ARHGAP42: variants seen among roughly 807,000 people sequenced by gnomAD.
ARHGAP42 encodes rho GTPase-activating protein 42.
ARHGAP42 carries 63 observed loss-of-function variants against 125.0 expected under a neutral mutation model. The ratio of observed to expected loss-of-function variants is 0.50; its 90% CI spans 0.41 to 0.62. The LOEUF (loss-of-function observed/expected upper bound fraction) is 0.62. Ranked by LOEUF, ARHGAP42 falls within the 20% of genes least tolerant of loss-of-function variation. ARHGAP42 has a pLI of 0.00. For synonymous variants in ARHGAP42, 339 were observed against 351.0 expected (o/e 0.97, Z 0.38); for missense variants, 766 against 1,024.2 (o/e 0.75, Z 3.44).
At chr11:100,942,644 G>T (rs553525902) in intron 9 of ARHGAP42, among the ~76,000 whole-genome samples, 15 of 152,278 alleles carry the variant, frequency 9.9e-5, no homozygotes, top group African/African-American at 2.9e-4. Flanking sequence ...TAAAGTAAGT[G>T]CCTCGCCCAA....
chr11:100,793,034 G>T (rs182928267), intron 2 of ARHGAP42, among the ~76,000 whole-genome samples: 1 of 152,086 alleles, frequency 6.6e-6, no homozygotes, highest in African/African-American at 2.4e-5. Flanking sequence ...GATTACAGGC[G>T]TGAGCCACCG....
intron 17 of ARHGAP42, among the ~76,000 whole-genome samples, chr11:100,966,774 A>G (rs1216719176): frequency 6.6e-6 from 1 of 152,188 alleles, no homozygotes; most frequent in Non-Finnish European, 1.5e-5. Context: ...AGAGAGACAA[A>G]CACATATTTA....
intron 4 of ARHGAP42, among the ~76,000 whole-genome samples, chr11:100,897,905 C>T (rs1206845942): frequency 6.6e-6 from 1 of 152,174 alleles, no homozygotes; most frequent in Non-Finnish European, 1.5e-5. Context: ...GAGAGGGCAT[C>T]CTTGTCCTGT....
intron 1 of ARHGAP42, among the ~76,000 whole-genome samples, chr11:100,700,429 C>T (rs542778195): frequency 3.3e-4 from 50 of 152,296 alleles, no homozygotes; most frequent in African/African-American, 1.1e-3. Context: ...AAAGATTTCT[C>T]TATACCATGA....
intron 10 of ARHGAP42, among the ~76,000 whole-genome samples, chr11:100,945,647 A>G (rs1197623423): frequency 6.6e-6 from 1 of 152,108 alleles, no homozygotes; most frequent in Admixed American, 6.6e-5. Context: ...GACTAGTTGC[A>G]TTGTCAATGG....
chr11:100,730,059 T>G (rs1266767856), intron 1 of ARHGAP42, among the ~76,000 whole-genome samples: 5 of 152,136 alleles, frequency 3.3e-5, no homozygotes, highest in Non-Finnish European at 7.3e-5. Context: ...TCCACCTGCC[T>G]CGGCCTCCCA....
chr11:100,802,997 A>G (rs1863898027), intron 3 of ARHGAP42, among the ~76,000 whole-genome samples: 1 of 152,230 alleles, frequency 6.6e-6, no homozygotes, highest in Non-Finnish European at 1.5e-5. Flanking sequence ...ACCTGCGCTC[A>G]TGAAGCTTGC....
chr11:100,687,294 C>T lies in ARHGAP42; in HGVS notation c.-385C>T, dbSNP rs1291998173. Among the ~76,000 whole-genome samples, 1 of 152,118 alleles carries T rather than the reference C, an allele frequency of 6.6e-6. No homozygotes were observed. The highest frequency in any genetic ancestry group is 1.5e-5 in the Non-Finnish European group (1 of 68,008). On this transcript the variant is annotated 5_prime_UTR_variant, in exon 1 of 24. Coordinates refer to ENST00000298815, the MANE Select transcript of ARHGAP42 (RefSeq NM_152432.4). ...TGTGCGCTGCTTCTGGCTCACAACG[C>T]CGACGACTGTCAAGAGAGTTGGGGA...
At chr11:100,726,453 T>G (rs914781088) in intron 1 of ARHGAP42, among the ~76,000 whole-genome samples, 1 of 152,234 alleles carries the variant, frequency 6.6e-6, no homozygotes, top group African/African-American at 2.4e-5. Flanking sequence ...AGAACCCAAA[T>G]TCAGCTATGT....
chr11:100,974,377 G>C, intron 18 of ARHGAP42, 82 bp from the exon 19 acceptor site: 1 of 1,306,770 alleles, frequency 7.7e-7, no homozygotes, highest in Non-Finnish European at 1.0e-6. Context: ...TGATTAAGTA[G>C]CATATGGTTC....
At chr11:100,905,185 G>T (rs1029772320) in intron 4 of ARHGAP42, among the ~76,000 whole-genome samples, 1 of 152,066 alleles carries the variant, frequency 6.6e-6, no homozygotes, top group African/African-American at 2.4e-5. Flanking sequence ...AATTATTGAA[G>T]AATTTAACAA....
chr11:100,724,566 G>T (rs1591129386), intron 1 of ARHGAP42, among the ~76,000 whole-genome samples: 1 of 151,988 alleles, frequency 6.6e-6, no homozygotes, highest in South Asian at 2.1e-4. Context: ...TATTGGTTCA[G>T]TTTCATCTAA....
At chr11:100,738,992 A>T (rs1862123432) in intron 1 of ARHGAP42, among the ~76,000 whole-genome samples, 1 of 152,218 alleles carries the variant, frequency 6.6e-6, no homozygotes, top group Admixed American at 6.5e-5. Flanking sequence ...AACTTAGGAA[A>T]AAAGCTGTTT....
At chr11:100,868,605 A>G (rs947869198) in intron 4 of ARHGAP42, among the ~76,000 whole-genome samples, 4 of 152,020 alleles carry the variant, frequency 2.6e-5, no homozygotes, top group African/African-American at 9.6e-5. Flanking sequence ...TTAATAGCAC[A>G]TTTGGTGCAC....
At chr11:100,970,299 T>C (rs1399978512) in intron 17 of ARHGAP42, among the ~76,000 whole-genome samples, 2 of 152,114 alleles carry the variant, frequency 1.3e-5, no homozygotes, top group Non-Finnish European at 2.9e-5. Flanking sequence ...TAATTCAGTA[T>C]CTTTAGTGAA....
At chr11:100,924,446 C>T (rs1446615683) in intron 6 of ARHGAP42, among the ~76,000 whole-genome samples, 1 of 151,856 alleles carries the variant, frequency 6.6e-6, no homozygotes, top group South Asian at 2.1e-4. Context: ...GCGGGTGGAT[C>T]GCTTGAGGTC....
At chr11:100,974,018 C>T (rs1215208094) in intron 18 of ARHGAP42, among the ~76,000 whole-genome samples, 1 of 152,154 alleles carries the variant, frequency 6.6e-6, no homozygotes, top group Non-Finnish European at 1.5e-5. Flanking sequence ...TGTAGCTCTG[C>T]ACATACCTTA....
chr11:100,788,249 CA>C (rs1863481809), intron 2 of ARHGAP42, among the ~76,000 whole-genome samples: 1 of 152,158 alleles, frequency 6.6e-6, no homozygotes, highest in Non-Finnish European at 1.5e-5. Flanking sequence ...TGCAAGATTT[CA>C]GAGCGTGTTC....
chr11:100,772,978 A>T (rs1362888128), intron 2 of ARHGAP42, among the ~76,000 whole-genome samples: 1 of 152,186 alleles, frequency 6.6e-6, no homozygotes, highest in Non-Finnish European at 1.5e-5. Context: ...CTGGGATTAT[A>T]GGCGTATGCC....
Sources: gnomAD v4.1 joint callset for allele counts (sites outside exome capture counted in the v4.1 genomes callset) on GRCh38, gnomAD v4.1.1 for gene constraint, MANE v1.5 for transcripts, NCBI Gene and HGNC (gene_info 2026-07-23, HGNC 2026-07-21) for gene names.